Variants in DOCK4 observed in about 807,000 individuals in gnomAD.
The protein encoded by DOCK4 is dedicator of cytokinesis 4, also known as dedicator of cytokinesis protein 4.
In DOCK4, 97 loss-of-function variants were observed where a neutral mutation model predicts 268.1. The ratio of observed to expected loss-of-function variants is 0.36; its 90% CI spans 0.31 to 0.43. The LOEUF (loss-of-function observed/expected upper bound fraction) is 0.43, where lower values mean the gene tolerates loss of function less well. DOCK4 is among the 20% of genes least tolerant of loss of function. The pLI is 1.00. For missense variants in DOCK4, 2,145 were observed against 2,455.7 expected, an observed-to-expected ratio of 0.87 and a Z score of 2.67; for synonymous variants, 954 against 887.2, an observed-to-expected ratio of 1.08 and a Z score of -1.34.
At chr7:111,980,273 T>TA (rs1426165587) in intron 7 of DOCK4, among the ~76,000 whole-genome samples, 4 of 152,186 alleles carry the variant, frequency 2.6e-5, no homozygotes, top group African/African-American at 9.7e-5. Context: ...TTGGACTTAG[T>TA]AGGTTATGAT....
At position 112,019,937 on chromosome 7, in the gene DOCK4, T is replaced by C. The variant is rs1159676867; in HGVS notation, c.38-15806A>G. Among the ~76,000 whole-genome samples, 4 of 152,204 alleles carry C rather than the reference T, an allele frequency of 2.6e-5. 1 individual carries two copies. Among genetic ancestry groups the C allele is most frequent in the African/African-American group, 9.6e-5 (4 of 41,460 alleles). On this transcript the variant is annotated intron_variant, in intron 1 of 52. Transcript: ENST00000428084. Reference sequence around the variant, plus strand: ...AAGTCAATTTGTTTGTTTGCTTACCTAGGAGTTAAGCCTAGAACTAAGTCA... The same window carrying C: ...AAGTCAATTTGTTTGTTTGCTTACCCAGGAGTTAAGCCTAGAACTAAGTCA...
intron 12 of DOCK4, among the ~76,000 whole-genome samples, chr7:111,933,119 C>T (rs1163779563): frequency 9.4e-6 from 1 of 106,682 alleles, no homozygotes; most frequent in Non-Finnish European, 2.0e-5. Context: ...CGTATATACA[C>T]ATATATATAC....
chr7:112,092,405 A>C (rs1202365433), intron 1 of DOCK4, among the ~76,000 whole-genome samples: 2 of 152,158 alleles, frequency 1.3e-5, no homozygotes. Context: ...TAATAGATGA[A>C]GATGTTAGAA....
At chr7:111,912,356 C>T (rs1478537970) in intron 13 of DOCK4, among the ~76,000 whole-genome samples, 4 of 152,090 alleles carry the variant, frequency 2.6e-5, no homozygotes, top group Non-Finnish European at 4.4e-5. Context: ...ATGGAGCACC[C>T]AGAAATACTA....
At chr7:112,007,203 A>G (rs770827693) in intron 1 of DOCK4, among the ~76,000 whole-genome samples, 22 of 152,276 alleles carry the variant, frequency 1.4e-4, no homozygotes, top group South Asian at 1.0e-3. Flanking sequence ...GCATCACATA[A>G]TATTACAGCA....
chr7:111,945,476 G>A (rs535689613), intron 9 of DOCK4, among the ~76,000 whole-genome samples: 10 of 152,258 alleles, frequency 6.6e-5, no homozygotes, highest in South Asian at 2.1e-4. Context: ...ATGAGCCACC[G>A]TGCCCCGCAA....
intron 8 of DOCK4, among the ~76,000 whole-genome samples, chr7:111,964,911 A>T (rs1797264016): frequency 8.1e-6 from 1 of 123,344 alleles, no homozygotes; most frequent in South Asian, 2.9e-4. Context: ...CAACGTTCTT[A>T]AAGAAAAGAA....
chr7:112,204,248 T>G (rs1821186816), intron 1 of DOCK4, among the ~76,000 whole-genome samples: 1 of 152,144 alleles, frequency 6.6e-6, no homozygotes, highest in Non-Finnish European at 1.5e-5. Context: ...ACCCCAGCTG[T>G]GACCTGGCAC....
intron 1 of DOCK4, among the ~76,000 whole-genome samples, chr7:112,084,644 G>C (rs1300551612): frequency 6.6e-6 from 1 of 152,088 alleles, no homozygotes; most frequent in Non-Finnish European, 1.5e-5. Context: ...CCCACAAATA[G>C]AGCAATGCAG....
At position 112,173,774 on chromosome 7, in the gene DOCK4, T is replaced by C. The variant is rs139256177; in HGVS notation, c.37+32328A>G. On this transcript the variant is annotated intron_variant, in intron 1 of 52. Transcript: ENST00000428084. ...AAAACCCCACAGCCAAACATTTTCA[T>C]TGGCAATTCCACGTGGAAAATAGCC... 5.2e-3 allele frequency among the ~76,000 whole-genome samples: 796 copies of C among 152,256 alleles called. 9 individuals carry two copies. Among genetic ancestry groups the C allele is most frequent in the African/African-American group, 0.018 (754 of 41,522 alleles).
chr7:111,735,204 A>AAT (rs1471442512), intron 50 of DOCK4, 37 bp from the exon 51 acceptor site: 2 of 1,382,876 alleles, frequency 1.4e-6, no homozygotes, highest in East Asian at 5.0e-5. Flanking sequence ...CACACGGTCC[A>AAT]GCTTTGCCCT....
At chr7:111,911,626 T>C (rs944752063) in intron 13 of DOCK4, among the ~76,000 whole-genome samples, 1 of 152,198 alleles carries the variant, frequency 6.6e-6, no homozygotes, top group Non-Finnish European at 1.5e-5. Flanking sequence ...CGAGCCTTAT[T>C]CCACAGAAGT....
At chr7:111,901,599 A>C (rs1225624083) in intron 14 of DOCK4, 78 bp downstream of exon 14, 1 of 1,388,494 alleles carries the variant, frequency 7.2e-7, no homozygotes, top group African/African-American at 1.5e-5. Flanking sequence ...AAATCAGAAA[A>C]TAACTGATCA....
At chr7:111,954,157 A>G (rs979583555) in intron 8 of DOCK4, among the ~76,000 whole-genome samples, 4 of 152,112 alleles carry the variant, frequency 2.6e-5, no homozygotes, top group African/African-American at 9.7e-5. Flanking sequence ...AGTGTTAAAG[A>G]AAAAATTATT....
chr7:112,205,844 G>C (rs970493155), intron 1 of DOCK4, among the ~76,000 whole-genome samples: 2 of 152,100 alleles, frequency 1.3e-5, no homozygotes, highest in South Asian at 4.1e-4. Flanking sequence ...CGAAGCTAGC[G>C]GGCCGGCCGC....
intron 5 of DOCK4, among the ~76,000 whole-genome samples, chr7:111,989,929 C>G (rs904484123): frequency 5.9e-5 from 9 of 152,190 alleles, no homozygotes; most frequent in Non-Finnish European, 1.3e-4. Context: ...TTAGTGGTAG[C>G]AACTGTGCAG....
chr7:111,864,890 A>T (rs896768178), intron 22 of DOCK4, among the ~76,000 whole-genome samples: 2 of 152,162 alleles, frequency 1.3e-5, no homozygotes, highest in African/African-American at 2.4e-5. Context: ...TTTATCCATT[A>T]TTTCTTTATT....
At chr7:112,159,120 G>A (rs953873585) in intron 1 of DOCK4, among the ~76,000 whole-genome samples, 3 of 152,114 alleles carry the variant, frequency 2.0e-5, no homozygotes, top group African/African-American at 4.8e-5. Context: ...GTACATCACT[G>A]CAAATACGCC....
intron 23 of DOCK4, among the ~76,000 whole-genome samples, chr7:111,856,014 G>C (rs533998715): frequency 5.3e-5 from 8 of 152,180 alleles, no homozygotes; most frequent in Non-Finnish European, 1.2e-4. Context: ...CCCGTTATCA[G>C]TCTGGTTTAC....
Sources: gnomAD v4.1 joint callset for allele counts (sites outside exome capture counted in the v4.1 genomes callset) on GRCh38, gnomAD v4.1.1 for gene constraint, MANE v1.5 for transcripts, NCBI Gene and HGNC (gene_info 2026-07-23, HGNC 2026-07-21) for gene names.